MCTP2: variants seen among roughly 807,000 people sequenced by gnomAD.
The protein encoded by MCTP2 is multiple C2 and transmembrane domain-containing protein 2.
In MCTP2, 132 loss-of-function variants were observed where a neutral mutation model predicts 111.6. The ratio of observed to expected loss-of-function variants is 1.18; its 90% confidence interval spans 1.03 to 1.37. The LOEUF (loss-of-function observed/expected upper bound fraction) is 1.37, where lower values mean the gene tolerates loss of function less well. MCTP2 is among the 40% of genes most tolerant of loss of function. The pLI is 0.00. For synonymous variants in MCTP2, 395 were observed against 387.7 expected (o/e 1.02, Z -0.22); for missense variants, 1,183 against 1,067.9 (o/e 1.11, Z -1.50).
At chr15:94,469,058 A>G (rs2073674292) in intron 20 of MCTP2, among the ~76,000 whole-genome samples, 1 of 152,240 alleles carries the variant, frequency 6.6e-6, no homozygotes, top group African/African-American at 2.4e-5. Flanking sequence ...AGAATTATTA[A>G]GAGCATTACA....
At position 94,402,764 on chromosome 15, in the gene MCTP2, G is replaced by A. The variant is rs191313685; in HGVS notation, c.2085+745G>A. 5.1e-5 allele frequency: 73 copies of A among 1,424,218 alleles called. No individual in the cohort carries two copies. The Admixed American group carries it at 1.8e-3, about 34-fold the overall frequency. 88.2% of individuals were successfully genotyped at this position (1,424,218 alleles called of 1,614,324 possible). Reference sequence around the variant, plus strand: ...CATGGGAGGAGAAATCAAGTCTCCCGACTGCAAATCTTTGTATATTTGGTA... The same window carrying A: ...CATGGGAGGAGAAATCAAGTCTCCCAACTGCAAATCTTTGTATATTTGGTA... On this transcript the variant is annotated intron_variant, in intron 17 of 22. Transcript: ENST00000357742.
In MCTP2 at chr15:94,482,261, T is replaced by G. The variant is rs1340677430; in HGVS notation, c.*3227T>G. 1 of 152,220 alleles carries G rather than the reference T, an allele frequency of 6.6e-6. No individual in the cohort carries two copies. The highest frequency in any genetic ancestry group is 1.9e-4 in the East Asian group (1 of 5,200). The allele number at this position is 152,220 out of a possible 1,614,324, so 9.4% of individuals were successfully genotyped here. On this transcript the variant is annotated 3_prime_UTR_variant, in exon 23 of 23. Transcript: ENST00000357742. Reference sequence around the variant, plus strand: ...TAGCTGCAATGGATAGCCTAGCAATTTTCAAAGTTTAGAGAAGTTATTAAT... The same window carrying G: ...TAGCTGCAATGGATAGCCTAGCAATGTTCAAAGTTTAGAGAAGTTATTAAT...
At chr15:94,242,707 T>G (rs1276659486) in intron 1 of MCTP2, among the ~76,000 whole-genome samples, 1 of 151,904 alleles carries the variant, frequency 6.6e-6, no homozygotes, top group African/African-American at 2.4e-5. Context: ...CTTTAGATTT[T>G]TATTTTCATT....
intron 1 of MCTP2, among the ~76,000 whole-genome samples, chr15:94,281,000 A>G (rs982984569): frequency 1.3e-5 from 2 of 152,120 alleles, no homozygotes; most frequent in African/African-American, 4.8e-5. Flanking sequence ...CATATGATGG[A>G]TCTTAGGGTA....
intron 22 of MCTP2, among the ~76,000 whole-genome samples, chr15:94,477,248 C>T (rs1373350539): frequency 6.6e-6 from 1 of 152,176 alleles, no homozygotes; most frequent in Non-Finnish European, 1.5e-5. Context: ...TCCCTTCTAT[C>T]GTCTTCCCTC....
intron 1 of MCTP2, among the ~76,000 whole-genome samples, chr15:94,294,941 C>CTTTTTTTTTTTTTTTTTTTTTTTTTTTCT (rs2075194377): frequency 1.4e-5 from 1 of 73,988 alleles, no homozygotes; most frequent in Non-Finnish European, 2.4e-5. Flanking sequence ...TTTTCTTTTC[C>CTTTTTTTTTTTTTTTTTTTTTTTTTTTCT]TTTTTTTTTT....
chr15:94,414,567 A>G (rs1004185573), intron 17 of MCTP2, among the ~76,000 whole-genome samples: 1 of 152,240 alleles, frequency 6.6e-6, no homozygotes, highest in Non-Finnish European at 1.5e-5. Context: ...GGACGTGTTC[A>G]TCAGGAAATA....
intron 1 of MCTP2, among the ~76,000 whole-genome samples, chr15:94,266,520 C>T (rs563538718): frequency 6.6e-6 from 1 of 152,272 alleles, no homozygotes; most frequent in South Asian, 2.1e-4. Context: ...TTAGTAACAA[C>T]ACATTTTCCT....
chr15:94,343,605 C>G (rs2077784839), intron 7 of MCTP2: 1 of 152,162 alleles, frequency 6.6e-6, no homozygotes, highest in African/African-American at 2.4e-5. Context: ...GACAAACATA[C>G]TCTGTGTTCT....
intron 21 of MCTP2, among the ~76,000 whole-genome samples, chr15:94,471,506 G>C (rs577430352): frequency 1.3e-5 from 2 of 152,112 alleles, no homozygotes; most frequent in East Asian, 3.9e-4. Flanking sequence ...AAAAAGTCAC[G>C]GGAAAAATAG....
intron 19 of MCTP2, among the ~76,000 whole-genome samples, chr15:94,444,905 G>GTATC (rs2084030996): frequency 6.6e-6 from 1 of 152,154 alleles, no homozygotes; most frequent in African/African-American, 2.4e-5. Context: ...CGGTGACCAT[G>GTATC]TATCTTTGGC....
In MCTP2 at chr15:94,367,680, G is replaced by T. The variant is rs779361747; in HGVS notation, c.1377G>T (p.Gly459=). 1.2e-6 allele frequency: 2 copies of T among 1,612,184 alleles called. No individual in the cohort carries two copies. Among genetic ancestry groups the T allele is most frequent in the Non-Finnish European group, 1.7e-6 (2 of 1,179,118 alleles). The stretch of plus-strand genomic sequence containing the variant: ...AGCTGCCACTGGACAGCTGTCTGGG[G>T]GCTCTCCTTATGTTGGTCACACTTA... ...CLELPLDSCL[G]ALLMLVTLTP... is the part of the protein sequence containing the mutation. The change falls in exon 11 of 23, where the codon GGG becomes GGT. Residue 459 remains glycine (G), a synonymous_variant. Coordinates refer to ENST00000357742, the MANE Select transcript of MCTP2 (RefSeq NM_001385001.1).
At chr15:94,311,308 TGA>T (rs59216867) in intron 2 of MCTP2, among the ~76,000 whole-genome samples, 38,140 of 151,900 alleles carry the variant, frequency 0.25, 6,705 homozygotes, top group African/African-American at 0.49. Context: ...ATTACAGGCA[TGA>T]GCCACTACAC....
chr15:94,249,643 G>A (rs910022956), intron 1 of MCTP2, among the ~76,000 whole-genome samples: 1 of 151,926 alleles, frequency 6.6e-6, no homozygotes, highest in South Asian at 2.1e-4. Context: ...CCGCCACCAC[G>A]CCCAGCTAAT....
At chr15:94,393,985 G>A (rs1002045926) in intron 14 of MCTP2, among the ~76,000 whole-genome samples, 2 of 149,112 alleles carry the variant, frequency 1.3e-5, no homozygotes, top group African/African-American at 5.0e-5. Flanking sequence ...AGGAGGCGGA[G>A]GTTGTGGTGA....
chr15:94,267,283 A>G (rs994375570), intron 1 of MCTP2, among the ~76,000 whole-genome samples: 2 of 152,182 alleles, frequency 1.3e-5, no homozygotes, highest in Non-Finnish European at 2.9e-5. Context: ...TCCCTTTTCC[A>G]GAATGTCATT....
chr15:94,340,268 C>A lies in MCTP2; in HGVS notation c.850C>A (p.Leu284Ile), dbSNP rs1313662084. ...ATTTGTCATTCTCAGTGATCTTGAGCTTAACAGGTACCGTATTTTTACATT... is the reference window on the plus strand; with the variant it reads ...ATTTGTCATTCTCAGTGATCTTGAGATTAACAGGTACCGTATTTTTACATT... Reference protein sequence around the residue: ...SAFVILSDLELNRTTEHILKL... With the variant: ...SAFVILSDLEINRTTEHILKL... Residue 284 changes from leucine (L) to isoleucine (I), a missense_variant, in exon 6 of 23, where the codon CTT (leucine) becomes ATT (isoleucine). Physicochemically the swap from Leu to Ile is conservative, Grantham distance 5. Coordinates refer to ENST00000357742, the MANE Select transcript of MCTP2 (RefSeq NM_001385001.1). 6.2e-7 allele frequency: 1 copy of A among 1,609,736 alleles called. No individual in the cohort carries two copies. The highest frequency in any genetic ancestry group is 8.5e-7 in the Non-Finnish European group (1 of 1,176,356).
chr15:94,268,419 C>T (rs1018335818), intron 1 of MCTP2, among the ~76,000 whole-genome samples: 5 of 151,196 alleles, frequency 3.3e-5, no homozygotes, highest in South Asian at 2.1e-4. Context: ...CTTGAACTCC[C>T]GACCTCAGGT....
Position 94,244,245 on chromosome 15 carries a change from TAC to T in MCTP2, c.-66+12585_-66+12586del, listed in dbSNP as rs1567257873. On this transcript the variant is annotated intron_variant, in intron 1 of 22. Transcript: ENST00000357742. ...GTGTATATATTTATATACACGTGTA[TAC>T]ACATATGTGTATATATTTATATACA... Among the ~76,000 whole-genome samples the T allele has an allele frequency of 5.8e-5, 7 of 120,666 alleles. 1 individual carries two copies. Among genetic ancestry groups the T allele is most frequent in the African/African-American group, 2.5e-4 (7 of 28,266 alleles). The allele number at this position is 120,666 out of a possible 152,430, so 79.2% of individuals were successfully genotyped here.
Sources: allele counts gnomAD v4.1 joint callset (sites outside exome capture counted in the v4.1 genomes callset), GRCh38; gene constraint gnomAD v4.1.1; transcripts MANE v1.5; gene names NCBI Gene and HGNC (gene_info 2026-07-23, HGNC 2026-07-21).